Variants in TSPAN15 observed in about 807,000 individuals in gnomAD.
The protein encoded by TSPAN15 is tetraspanin-15.
A neutral mutation model predicts 34.5 loss-of-function variants in TSPAN15; 20 were observed. The observed-to-expected ratio is 0.58, with a 90% CI of 0.41 to 0.84. The LOEUF (loss-of-function observed/expected upper bound fraction) is 0.84, where lower values mean the gene tolerates loss of function less well. Among genes scored for constraint, TSPAN15 ranks in the 40% least tolerant of loss-of-function variants. TSPAN15 has a pLI of 0.00. For missense variants in TSPAN15, 313 were observed against 386.1 expected, an observed-to-expected ratio of 0.81 and a Z score of 1.59; for synonymous variants, 155 against 153.9, an observed-to-expected ratio of 1.01 and a Z score of -0.05.
At chr10:69,457,640 A>G (rs1379090778) in intron 1 of TSPAN15, among the ~76,000 whole-genome samples, 1 of 152,194 alleles carries the variant, frequency 6.6e-6, no homozygotes, top group African/African-American at 2.4e-5. Context: ...GAACCTGCTT[A>G]TTAGAGCTTG....
In TSPAN15 at chr10:69,507,444, G is replaced by C; in HGVS notation, c.*466G>C. The stretch of plus-strand genomic sequence containing the variant: ...TCCATGCAGCCACGCCCATGGCCAG[G>C]TTGGCCTCTTCTCAGCCTCCCAGGT... On this transcript the variant is annotated 3_prime_UTR_variant, in exon 8 of 8. Coordinates refer to ENST00000373290, the MANE Select transcript of TSPAN15 (RefSeq NM_012339.5). 1 of 1,294,946 alleles carries C rather than the reference G, an allele frequency of 7.7e-7. No individual in the cohort carries two copies. Among genetic ancestry groups the C allele is most frequent in the Non-Finnish European group, 1.0e-6 (1 of 986,528 alleles). The allele number at this position is 1,294,946 out of a possible 1,614,324, so 80.2% of individuals were successfully genotyped here. A position where few individuals can be genotyped will look rare whatever the true frequency, so the allele number is the denominator to read the frequency against.
At position 69,480,647 on chromosome 10, in the gene TSPAN15, T is replaced by C. The variant is rs553085530; in HGVS notation, c.97-3044T>C. 1.1e-4 allele frequency among the ~76,000 whole-genome samples: 16 copies of C among 152,330 alleles called. 1 individual carries two copies. The highest frequency in any genetic ancestry group is 1.5e-5 in the Non-Finnish European group (1 of 68,026). On this transcript the variant is annotated intron_variant, in intron 1 of 7. Coordinates refer to ENST00000373290, the MANE Select transcript of TSPAN15 (RefSeq NM_012339.5). ...CCAGGTTTAGAGTTTAGTGAGTGAT[T>C]CCTCATGGGTGGAGTCACTGAGGAA... is the stretch of plus-strand genomic sequence containing the variant.
At chr10:69,540,185 G>A in the TSPAN15 span, among the ~76,000 whole-genome samples, 1 of 152,002 alleles carries the variant, frequency 6.6e-6, no homozygotes, top group Non-Finnish European at 1.5e-5. Flanking sequence ...GAGGTCAGGA[G>A]ATCGAGACCA....
At chr10:69,463,355 T>C (rs1362433339) in intron 1 of TSPAN15, among the ~76,000 whole-genome samples, 1 of 152,182 alleles carries the variant, frequency 6.6e-6, no homozygotes, top group Non-Finnish European at 1.5e-5. Context: ...GGTGGTGGTC[T>C]ATCTCTACTT....
the TSPAN15 span, among the ~76,000 whole-genome samples, chr10:69,526,541 C>A: frequency 1.3e-5 from 2 of 148,378 alleles, no homozygotes; most frequent in African/African-American, 4.9e-5. Flanking sequence ...TGCCTGTAAT[C>A]CCAGCACTTC....
At chr10:69,513,128 G>A in the TSPAN15 span, among the ~76,000 whole-genome samples, 1 of 152,144 alleles carries the variant, frequency 6.6e-6, no homozygotes, top group Admixed American at 6.5e-5. Context: ...TCATGCTAAT[G>A]GGTGTGTGGT....
the TSPAN15 span, among the ~76,000 whole-genome samples, chr10:69,539,539 G>GAAGA: frequency 7.6e-3 from 325 of 42,636 alleles, 7 homozygotes; most frequent in Non-Finnish European, 8.9e-3. Flanking sequence ...GAAGAAGAAG[G>GAAGA]AGAAGGAGAA....
intron 1 of TSPAN15, among the ~76,000 whole-genome samples, chr10:69,479,859 G>T (rs577021493): frequency 6.6e-6 from 1 of 152,340 alleles, no homozygotes; most frequent in Admixed American, 6.5e-5. Flanking sequence ...CTGCCAGGCT[G>T]CTGGGAGGGT....
At chr10:69,465,473 G>A (rs1841363882) in intron 1 of TSPAN15, among the ~76,000 whole-genome samples, 1 of 152,298 alleles carries the variant, frequency 6.6e-6, no homozygotes, top group East Asian at 1.9e-4. Context: ...GCTGGGTTGT[G>A]CCTTCTGCAT....
At chr10:69,466,127 A>G (rs529401831) in intron 1 of TSPAN15, among the ~76,000 whole-genome samples, 2 of 152,378 alleles carry the variant, frequency 1.3e-5, no homozygotes, top group Admixed American at 1.3e-4. Context: ...AAGTGGGGCC[A>G]GCATCACTGT....
intron 3 of TSPAN15, among the ~76,000 whole-genome samples, chr10:69,489,831 C>T (rs73275782): frequency 0.016 from 2,491 of 152,314 alleles, 66 homozygotes; most frequent in African/African-American, 0.057. Flanking sequence ...AGGAGAAGTA[C>T]GACACCCCTG....
chr10:69,506,238 C>T lies in TSPAN15; in HGVS notation c.733C>T (p.Gln245Ter), dbSNP rs1842325089. ...AGILLGILLP[Q>*]FLGVLLTLLY... ...CATCCTCCTGGGCATCCTGCTTCCC[C>T]AGGTGGGCAGGCCGTGGGTTCAGAG... Residue 245 changes from glutamine to a stop codon, truncating the protein, a stop_gained and splice_region_variant, in exon 7 of 8, where the codon CAG becomes TAG. Coordinates refer to ENST00000373290, the MANE Select transcript of TSPAN15 (RefSeq NM_012339.5). LOFTEE classifies it high-confidence loss of function. This position sits in a 1 kb window ranked among gnomAD's most constrained non-coding sequence, Gnocchi z 4.7. 2 of 1,613,978 alleles carry T rather than the reference C, an allele frequency of 1.2e-6. No homozygotes were observed.
At chr10:69,457,347 G>A (rs189986545) in intron 1 of TSPAN15, among the ~76,000 whole-genome samples, 1 of 152,344 alleles carries the variant, frequency 6.6e-6, no homozygotes, top group Admixed American at 6.5e-5. Flanking sequence ...GGCTGGGGGT[G>A]TAACCCGCAG....
rs146709943 is a variant in TSPAN15, at chr10:69,498,294, C to A, written c.468C>A (p.Gly156=). 1 of 1,613,612 alleles carries A rather than the reference C, an allele frequency of 6.2e-7. No homozygotes were observed. The highest frequency in any genetic ancestry group is 8.5e-7 in the Non-Finnish European group (1 of 1,179,914). Residue 156 remains glycine (G), a synonymous_variant, in exon 5 of 8, where the codon GGC becomes GGA. Coordinates refer to ENST00000373290, the MANE Select transcript of TSPAN15 (RefSeq NM_012339.5). ...GCTTCCCTCAGTTCAAGTGCTGTGG[C>A]GGGGAGGACTACCGAGATTGGAGCA... The part of the protein sequence containing the change: ...DFVQKKFKCC[G]GEDYRDWSKN...
chr10:69,486,976 G>C (rs992783495), intron 3 of TSPAN15, among the ~76,000 whole-genome samples: 1 of 152,070 alleles, frequency 6.6e-6, no homozygotes, highest in Non-Finnish European at 1.5e-5. Flanking sequence ...CCAGCATGCT[G>C]GTTCACTTTC....
intron 3 of TSPAN15, among the ~76,000 whole-genome samples, chr10:69,489,249 C>G (rs7069442): frequency 0.38 from 57,105 of 152,116 alleles, 11,435 homozygotes; most frequent in Non-Finnish European, 0.44. Context: ...TGCCCAACCC[C>G]GCAGGCAGTC....
rs5785919 is a variant in TSPAN15, at chr10:69,493,470, C to CTTT, written c.358-2106_358-2104dup. 8.7e-3 allele frequency among the ~76,000 whole-genome samples: 1,037 copies of CTTT among 118,792 alleles called. 30 individuals are homozygous for CTTT. Among genetic ancestry groups the CTTT allele is most frequent in the African/African-American group, 0.018 (548 of 29,936 alleles). The allele number at this position is 118,792 out of a possible 152,430, so 77.9% of individuals were successfully genotyped here. A position where few individuals can be genotyped will look rare whatever the true frequency, so the allele number is the denominator to read the frequency against. On this transcript the variant is annotated intron_variant, in intron 3 of 7. Coordinates refer to ENST00000373290, the MANE Select transcript of TSPAN15 (RefSeq NM_012339.5). ...AGGCCAGTTTCTCCGAGCCCATCTC[C>CTTT]TTTTTTTTTTTTTTTTTTTTGAGAC...
intron 3 of TSPAN15, chr10:69,495,380 C>G (rs1589649050): frequency 1.8e-6 from 1 of 552,776 alleles, no homozygotes; most frequent in East Asian, 3.1e-5. Flanking sequence ...AGCACAGGCA[C>G]TCAGGCATCA....
chr10:69,486,351 C>T (rs977916355), intron 3 of TSPAN15, among the ~76,000 whole-genome samples: 18 of 152,250 alleles, frequency 1.2e-4, no homozygotes, highest in African/African-American at 4.3e-4. Flanking sequence ...CCCTCCCTAC[C>T]CCAGACAGCT....
Sources: gnomAD v4.1 joint callset for allele counts (sites outside exome capture counted in the v4.1 genomes callset) on GRCh38, gnomAD v4.1.1 for gene constraint, Gnocchi (gnomAD v3.1) non-coding constraint, MANE v1.5 for transcripts, NCBI Gene and HGNC (gene_info 2026-07-23, HGNC 2026-07-21) for gene names.